C8orf34: variants seen among roughly 807,000 people sequenced by gnomAD.
C8orf34 encodes the protein chromosome 8 open reading frame 34.
Under a neutral mutation model 68.3 loss-of-function variants are expected in C8orf34, and 65 were observed. The ratio of observed to expected loss-of-function variants is 0.95; its 90% confidence interval spans 0.78 to 1.17. The LOEUF (loss-of-function observed/expected upper bound fraction) is 1.17, where lower values mean the gene tolerates loss of function less well. Among genes scored for constraint, C8orf34 ranks in the 50% most tolerant of loss-of-function variants. The pLI is 0.00. For missense variants in C8orf34, 664 were observed against 655.4 expected, an observed-to-expected ratio of 1.01 and a Z score of -0.14; for synonymous variants, 244 against 241.2, an observed-to-expected ratio of 1.01 and a Z score of -0.11.
intron 7 of C8orf34, among the ~76,000 whole-genome samples, chr8:68,569,770 A>G (rs1322020871): frequency 1.3e-5 from 2 of 152,236 alleles, no homozygotes; most frequent in Non-Finnish European, 2.9e-5. Flanking sequence ...TGTCACTGTC[A>G]TTAAAGTTTA....
chr8:68,343,590 C>A (rs1806160390), intron 1 of C8orf34, among the ~76,000 whole-genome samples: 1 of 123,442 alleles, frequency 8.1e-6, no homozygotes, highest in Admixed American at 8.2e-5. Context: ...GTATGCCTAG[C>A]TAATTTTTTT....
intron 1 of C8orf34, among the ~76,000 whole-genome samples, chr8:68,394,334 C>A (rs989133196): frequency 6.8e-6 from 1 of 147,724 alleles, no homozygotes; most frequent in Non-Finnish European, 1.5e-5. Context: ...TGAGAATATG[C>A]GGTGTTTGTT....
At chr8:68,348,597 A>G (rs1806380008) in intron 1 of C8orf34, among the ~76,000 whole-genome samples, 1 of 152,118 alleles carries the variant, frequency 6.6e-6, no homozygotes, top group South Asian at 2.1e-4. Flanking sequence ...ATCCATGAGC[A>G]TGGGATGTTT....
chr8:68,788,287 A>G (rs1823899581), intron 12 of C8orf34, among the ~76,000 whole-genome samples: 1 of 152,240 alleles, frequency 6.6e-6, no homozygotes, highest in Admixed American at 6.5e-5. Context: ...AGAAATACTG[A>G]TATGTTACAT....
At chr8:68,755,220 T>C (rs1822820751) in intron 10 of C8orf34, among the ~76,000 whole-genome samples, 1 of 152,190 alleles carries the variant, frequency 6.6e-6, no homozygotes, top group Non-Finnish European at 1.5e-5. Context: ...AAGTTCAACC[T>C]TAGAAGAACT....
At chr8:68,356,715 A>T (rs1806763949) in intron 1 of C8orf34, among the ~76,000 whole-genome samples, 1 of 152,162 alleles carries the variant, frequency 6.6e-6, no homozygotes, top group African/African-American at 2.4e-5. Flanking sequence ...CTTAGCAACA[A>T]TAAAAACATT....
At chr8:68,738,011 A>T (rs1335661963) in intron 10 of C8orf34, among the ~76,000 whole-genome samples, 1 of 152,160 alleles carries the variant, frequency 6.6e-6, no homozygotes. Flanking sequence ...TTTAACATTG[A>T]TCACATAATC....
At position 68,794,505 on chromosome 8, in the gene C8orf34, A is replaced by ATTTTTT. The variant is rs57673879; in HGVS notation, c.1549+6982_1549+6987dup. Among the ~76,000 whole-genome samples, 470 of 62,134 alleles carry ATTTTTT rather than the reference A, an allele frequency of 7.6e-3. 33 individuals carry two copies. Among genetic ancestry groups the ATTTTTT allele is most frequent in the East Asian group, 0.06 (95 of 1,578 alleles). The allele number at this position is 62,134 out of a possible 152,430, so 40.8% of individuals were successfully genotyped here. The stretch of plus-strand genomic sequence containing the variant: ...TAAATATATATATATATATATATAT[A>ATTTTTT]TTTTTTTTTTTTTTTTTTAGACAGG... On this transcript the variant is annotated intron_variant, in intron 12 of 13. Coordinates refer to ENST00000518698, the MANE Select transcript of C8orf34 (RefSeq NM_052958.4).
intron 10 of C8orf34, among the ~76,000 whole-genome samples, chr8:68,744,344 A>G (rs1472473904): frequency 2.0e-5 from 3 of 152,246 alleles, no homozygotes; most frequent in Admixed American, 2.0e-4. Flanking sequence ...CCTCCAAAGG[A>G]ATGCAGTTTC....
chr8:68,723,488 A>C (rs1456534437), intron 10 of C8orf34, among the ~76,000 whole-genome samples: 1 of 152,156 alleles, frequency 6.6e-6, no homozygotes, highest in Non-Finnish European at 1.5e-5. Context: ...AGTACAATGA[A>C]GTATGTGGTT....
At chr8:68,625,421 A>T (rs767224090) in intron 7 of C8orf34, 3 of 517,424 alleles carry the variant, frequency 5.8e-6, no homozygotes, top group Non-Finnish European at 1.0e-5. Context: ...ATGCTGCATG[A>T]GATGTTATTA....
At chr8:68,336,924 T>A (rs1048756782) in intron 1 of C8orf34, among the ~76,000 whole-genome samples, 1 of 152,128 alleles carries the variant, frequency 6.6e-6, no homozygotes, top group Non-Finnish European at 1.5e-5. Context: ...AACAGATTAT[T>A]TTACTGAATA....
chr8:68,699,091 C>T (rs1023415140), intron 8 of C8orf34, among the ~76,000 whole-genome samples: 2 of 151,808 alleles, frequency 1.3e-5, no homozygotes, highest in Non-Finnish European at 2.9e-5. Flanking sequence ...TACTTCAGAC[C>T]TTCTGAATCA....
chr8:68,623,509 T>G (rs530047730), intron 7 of C8orf34, among the ~76,000 whole-genome samples: 12 of 152,338 alleles, frequency 7.9e-5, no homozygotes, highest in Admixed American at 7.8e-4. Flanking sequence ...TGACAACCAC[T>G]GCCTTGGATG....
intron 1 of C8orf34, among the ~76,000 whole-genome samples, chr8:68,382,358 C>T (rs1330312581): frequency 6.6e-6 from 1 of 152,068 alleles, no homozygotes; most frequent in Non-Finnish European, 1.5e-5. Context: ...TGTATTTTTG[C>T]CTCTGTTTCC....
At chr8:68,528,253 C>G (rs1815097573) in intron 6 of C8orf34, among the ~76,000 whole-genome samples, 1 of 152,140 alleles carries the variant, frequency 6.6e-6, no homozygotes, top group Admixed American at 6.5e-5. Flanking sequence ...ATCACTCCCT[C>G]TGTCATATCC....
chr8:68,490,726 C>G (rs1200843586), intron 5 of C8orf34, among the ~76,000 whole-genome samples: 4 of 152,066 alleles, frequency 2.6e-5, no homozygotes, highest in Non-Finnish European at 4.4e-5. Context: ...ATCGACCCCA[C>G]TTTTGCATCT....
At chr8:68,589,491 A>G (rs1817306761) in intron 7 of C8orf34, among the ~76,000 whole-genome samples, 1 of 149,088 alleles carries the variant, frequency 6.7e-6, no homozygotes, top group Non-Finnish European at 1.5e-5. Flanking sequence ...AGAAAGAAGA[A>G]AGAAAGAGAG....
At chr8:68,672,738 T>G (rs1233242428) in intron 8 of C8orf34, among the ~76,000 whole-genome samples, 1 of 152,114 alleles carries the variant, frequency 6.6e-6, no homozygotes, top group Non-Finnish European at 1.5e-5. Flanking sequence ...TGTGCTGGGT[T>G]CAGAGGCAGT....
Sources: gnomAD v4.1 joint callset for allele counts (sites outside exome capture counted in the v4.1 genomes callset) on GRCh38, gnomAD v4.1.1 for gene constraint, MANE v1.5 for transcripts, NCBI Gene and HGNC (gene_info 2026-07-23, HGNC 2026-07-21) for gene names.